The following CSRNP3 variants were observed in gnomAD, a reference collection of about 807,000 sequenced individuals.
The protein encoded by CSRNP3 is cysteine and serine rich nuclear protein 3, also known as cysteine/serine-rich nuclear protein 3.
CSRNP3 carries 12 observed loss-of-function variants against 48.0 expected under a neutral mutation model. The observed-to-expected ratio is 0.25, with a 90% CI of 0.16 to 0.41. The LOEUF is 0.41. Ranked by LOEUF, CSRNP3 falls within the 10% of genes least tolerant of loss-of-function variation. CSRNP3 has a pLI of 1.00. For missense variants in CSRNP3, 580 were observed against 724.4 expected (o/e 0.80, Z 2.29); for synonymous variants, 263 against 269.7 (o/e 0.98, Z 0.24).
At chr2:165,473,236 T>C (rs1242029075) in intron 1 of CSRNP3, among the ~76,000 whole-genome samples, 1 of 152,140 alleles carries the variant, frequency 6.6e-6, no homozygotes, top group African/African-American at 2.4e-5. Context: ...TTGCCAGAAT[T>C]GTGGGTGGGT....
Position 165,679,632 on chromosome 2 carries a change from C to A in CSRNP3, c.1637C>A (p.Ala546Glu). ...CCCTCCCAAGAAGGGTTTGTCTCTG[C>A]ATTGAATGGTGACAGTCACATTTCA... Reference protein sequence around the residue: ...KGPSQEGFVSALNGDSHISEH... With the variant: ...KGPSQEGFVSELNGDSHISEH... Residue 546 changes from alanine to glutamate, a missense_variant, in exon 7 of 7, where the codon GCA becomes GAA. Ala to Glu is a moderately radical substitution (Grantham distance 107). Coordinates refer to ENST00000651982, the MANE Select transcript of CSRNP3 (RefSeq NM_001172173.2). 6.2e-7 allele frequency: 1 copy of A among 1,614,142 alleles called. No homozygotes were observed. The highest frequency in any genetic ancestry group is 8.5e-7 in the Non-Finnish European group (1 of 1,180,002).
Position 165,685,438 on chromosome 2 carries a change from A to T in CSRNP3, c.*5685A>T, listed in dbSNP as rs1687615386. On this transcript the variant is annotated 3_prime_UTR_variant, in exon 7 of 7. Transcript: ENST00000651982. ...CATGCCTTGGGTTTCCTATCCTGAG[A>T]GTGGTAATGCCAGTAGAATGATGGG... is the stretch of plus-strand genomic sequence containing the variant. 1 of 152,054 alleles carries T rather than the reference A, an allele frequency of 6.6e-6. No individual in the cohort carries two copies. Among genetic ancestry groups the T allele is most frequent in the South Asian group, 2.1e-4 (1 of 4,828 alleles). The allele number at this position is 152,054 out of a possible 1,614,324, so 9.4% of individuals were successfully genotyped here. A position where few individuals can be genotyped will look rare whatever the true frequency, so the allele number is the denominator to read the frequency against.
chr2:165,613,331 T>A (rs548640416), intron 4 of CSRNP3, among the ~76,000 whole-genome samples: 1 of 152,290 alleles, frequency 6.6e-6, no homozygotes, highest in South Asian at 2.1e-4. Flanking sequence ...TCTTGTCAGA[T>A]GAATAGTTTG....
intron 3 of CSRNP3, among the ~76,000 whole-genome samples, chr2:165,584,264 T>C (rs1264884737): frequency 1.3e-5 from 2 of 152,148 alleles, no homozygotes; most frequent in Admixed American, 6.5e-5. Flanking sequence ...TACGAATACC[T>C]AGCTTTCTGG....
intron 2 of CSRNP3, among the ~76,000 whole-genome samples, chr2:165,513,910 T>C (rs1342597478): frequency 6.6e-6 from 1 of 152,224 alleles, no homozygotes; most frequent in Non-Finnish European, 1.5e-5. Context: ...TTCCACAAGT[T>C]AAAAAACTGG....
At chr2:165,592,833 G>A (rs1574853625) in intron 3 of CSRNP3, among the ~76,000 whole-genome samples, 2 of 123,216 alleles carry the variant, frequency 1.6e-5, no homozygotes, top group Admixed American at 2.0e-4. Context: ...ACGGAGTCTC[G>A]CTCTGTCGCC....
intron 4 of CSRNP3, among the ~76,000 whole-genome samples, chr2:165,615,067 T>C (rs1012942649): frequency 6.6e-6 from 1 of 152,240 alleles, no homozygotes; most frequent in African/African-American, 2.4e-5. Context: ...TAAATGTCTG[T>C]TATTGTCATT....
At chr2:165,672,651 A>G (rs889768411) in intron 5 of CSRNP3, among the ~76,000 whole-genome samples, 15 of 152,184 alleles carry the variant, frequency 9.9e-5, no homozygotes, top group African/African-American at 3.4e-4. Context: ...AGAGTAAGTG[A>G]GGCAATCCTG....
At chr2:165,530,113 G>A in intron 3 of CSRNP3, among the ~76,000 whole-genome samples, 1 of 152,152 alleles carries the variant, frequency 6.6e-6, no homozygotes, top group East Asian at 1.9e-4. Flanking sequence ...ATTTATAAAA[G>A]GGAGTAGTTA....
intron 4 of CSRNP3, among the ~76,000 whole-genome samples, chr2:165,623,867 C>T (rs1282569221): frequency 2.6e-5 from 4 of 152,188 alleles, no homozygotes; most frequent in Non-Finnish European, 5.9e-5. Flanking sequence ...CTCTTCCTTT[C>T]CCTTTTAGAG....
intron 6 of CSRNP3, among the ~76,000 whole-genome samples, chr2:165,678,061 G>A (rs982564953): frequency 6.6e-6 from 1 of 152,118 alleles, no homozygotes; most frequent in Non-Finnish European, 1.5e-5. Context: ...CAGCGCTCCA[G>A]TACAGTACAC....
At chr2:165,545,571 G>C (rs1186199241) in intron 3 of CSRNP3, among the ~76,000 whole-genome samples, 1 of 152,078 alleles carries the variant, frequency 6.6e-6, no homozygotes, top group African/African-American at 2.4e-5. Flanking sequence ...AATATGTAGA[G>C]AGGTATCTGG....
chr2:165,556,688 G>T (rs905587743), intron 3 of CSRNP3, among the ~76,000 whole-genome samples: 2 of 152,158 alleles, frequency 1.3e-5, no homozygotes, highest in African/African-American at 4.8e-5. Flanking sequence ...TACTGAAAAG[G>T]TCAGTTTTAA....
At chr2:165,643,980 C>T (rs145916241) in intron 4 of CSRNP3, among the ~76,000 whole-genome samples, 35 of 152,268 alleles carry the variant, frequency 2.3e-4, no homozygotes, top group South Asian at 1.9e-3. Flanking sequence ...TGACTGCTAA[C>T]GGCAGGAAAT....
At chr2:165,579,132 A>C (rs954227462) in intron 3 of CSRNP3, among the ~76,000 whole-genome samples, 11 of 152,192 alleles carry the variant, frequency 7.2e-5, no homozygotes, top group African/African-American at 2.7e-4. Context: ...AGTTACAGAA[A>C]ATCCTCATGG....
rs545657982 is a variant in CSRNP3 at position 165,471,735 on chromosome 2, C to T, written c.-283+1995C>T. 4.6e-5 allele frequency among the ~76,000 whole-genome samples: 7 copies of T among 152,042 alleles called. No homozygotes were observed. The South Asian group carries it at 1.5e-3, about 32-fold the overall frequency. On this transcript the variant is annotated intron_variant, in intron 1 of 6. Transcript: ENST00000651982. Reference sequence around the variant, plus strand: ...ATAAACCCTTTCTCAATCAGCATTTCCTATCAGCCACTGGCAGACGTCTGC... The same window carrying T: ...ATAAACCCTTTCTCAATCAGCATTTTCTATCAGCCACTGGCAGACGTCTGC...
intron 3 of CSRNP3, among the ~76,000 whole-genome samples, chr2:165,541,220 G>T (rs1157371643): frequency 7.4e-6 from 1 of 135,874 alleles, no homozygotes; most frequent in Non-Finnish European, 1.6e-5. Flanking sequence ...TACACCAAAT[G>T]CATTTTTTTT....
At chr2:165,602,906 AT>A (rs1397428379) in intron 4 of CSRNP3, among the ~76,000 whole-genome samples, 1 of 150,220 alleles carries the variant, frequency 6.7e-6, no homozygotes, top group Admixed American at 6.6e-5. Context: ...ATTTTTTTTA[AT>A]TTTTTTTGAG....
chr2:165,515,257 GAGGTTGC>G (rs930722581), intron 2 of CSRNP3, among the ~76,000 whole-genome samples: 1 of 151,158 alleles, frequency 6.6e-6, no homozygotes, highest in African/African-American at 2.4e-5. Flanking sequence ...CTGGGAGGTG[GAGGTTGC>G]AGTGAGCCAG....
Sources: allele counts gnomAD v4.1 joint callset (sites outside exome capture counted in the v4.1 genomes callset), GRCh38; gene constraint gnomAD v4.1.1; transcripts MANE v1.5; gene names NCBI Gene and HGNC (gene_info 2026-07-23, HGNC 2026-07-21).